The following GRK3 variants were observed in gnomAD, a reference collection of about 807,000 sequenced individuals.
GRK3 encodes the protein G protein-coupled receptor kinase 3.
In GRK3, 54 loss-of-function variants were observed where a neutral mutation model predicts 95.7. That is an observed-to-expected ratio of 0.56 (90% CI 0.45 to 0.71). The LOEUF (loss-of-function observed/expected upper bound fraction) is 0.71. GRK3 is among the 30% of genes least tolerant of loss of function. The pLI, the probability that GRK3 is intolerant of heterozygous loss-of-function variation, is 0.00. For missense variants in GRK3, 649 were observed against 851.2 expected, an observed-to-expected ratio of 0.76 and a Z score of 2.96; for synonymous variants, 281 against 290.8, an observed-to-expected ratio of 0.97 and a Z score of 0.34.
intron 3 of GRK3, among the ~76,000 whole-genome samples, chr22:25,656,655 A>G (rs2084873765): frequency 1.3e-5 from 2 of 152,140 alleles, no homozygotes; most frequent in African/African-American, 2.4e-5. Context: ...AAACACCAAC[A>G]TTATGCCAGA....
rs2085441498 is a variant in GRK3, at chr22:25,722,539, C to A, written c.*89C>A. 1.4e-6 allele frequency: 2 copies of A among 1,394,030 alleles called. No individual in the cohort carries two copies. The highest frequency in any genetic ancestry group is 2.0e-6 in the Non-Finnish European group (2 of 1,015,014). 86.4% of individuals were successfully genotyped at this position (1,394,030 alleles called of 1,614,324 possible). On this transcript the variant is annotated 3_prime_UTR_variant, in exon 21 of 21. Transcript: ENST00000324198. ...GAGGATGAGGCATCTGATCTATTCGCTACCGGGACTCCTCCAGGCTCCCGA... is the reference window on the plus strand; with the variant it reads ...GAGGATGAGGCATCTGATCTATTCGATACCGGGACTCCTCCAGGCTCCCGA...
At chr22:25,583,520 G>A (rs1932181204) in intron 1 of GRK3, among the ~76,000 whole-genome samples, 1 of 152,002 alleles carries the variant, frequency 6.6e-6, no homozygotes, top group Non-Finnish European at 1.5e-5. Context: ...GGGTTCTGGG[G>A]CACCCTGCAG....
intron 1 of GRK3, among the ~76,000 whole-genome samples, chr22:25,582,458 C>A (rs1365571252): frequency 1.4e-4 from 21 of 152,106 alleles, no homozygotes; most frequent in Admixed American, 1.4e-3. Flanking sequence ...CAGGTCTCCA[C>A]AAATTAATCT....
In GRK3 at chr22:25,714,534, A is replaced by G; in HGVS notation, c.1618A>G (p.Lys540Glu). The change falls in exon 18 of 21, where the codon AAG (lysine) becomes GAG (glutamate). Residue 540 changes from lysine (K) to glutamate (E), a missense_variant. By Grantham distance (56) the Lys-to-Glu change is moderately conservative. Transcript: ENST00000324198. ...NADTDKIEAR[K>E]RAKNKQLGHE... The stretch of plus-strand genomic sequence containing the variant: ...AGACACAGATAAAATCGAGGCCAGG[A>G]AGAGAGCTAAAAATAAGCAACTTGG... 2 of 1,610,464 alleles carry G rather than the reference A, an allele frequency of 1.2e-6. No homozygotes were observed. The highest frequency in any genetic ancestry group is 1.7e-6 in the Non-Finnish European group (2 of 1,179,002).
At chr22:25,610,581 T>C (rs902162021) in intron 2 of GRK3, among the ~76,000 whole-genome samples, 5 of 152,232 alleles carry the variant, frequency 3.3e-5, no homozygotes, top group Non-Finnish European at 2.9e-5. Context: ...CAATACAATT[T>C]AAAAACATTT....
At chr22:25,574,202 T>G (rs1931805599) in intron 1 of GRK3, among the ~76,000 whole-genome samples, 1 of 152,124 alleles carries the variant, frequency 6.6e-6, no homozygotes, top group African/African-American at 2.4e-5. Context: ...AAAGTTTAAA[T>G]TAAAAATGAG....
At chr22:25,714,306 C>T (rs2085366020) in intron 17 of GRK3, 102 bp from the exon 18 acceptor site, 10 of 942,824 alleles carry the variant, frequency 1.1e-5, no homozygotes, top group Non-Finnish European at 1.6e-5. Context: ...AGTCATCTTC[C>T]TATATAGAGT....
chr22:25,590,001 G>T (rs184019686), intron 1 of GRK3, among the ~76,000 whole-genome samples: 4 of 152,238 alleles, frequency 2.6e-5, no homozygotes, highest in South Asian at 2.1e-4. Context: ...ACCTCCCACT[G>T]GGTCCCTCCC....
intron 3 of GRK3, chr22:25,647,780 T>G: frequency 1.0e-6 from 1 of 968,438 alleles, no homozygotes; most frequent in Non-Finnish European, 1.7e-6. Context: ...AGATTACTTC[T>G]GAATCCTGGA....
chr22:25,706,295 G>A (rs1342787413), intron 15 of GRK3, among the ~76,000 whole-genome samples: 2 of 152,088 alleles, frequency 1.3e-5, no homozygotes, highest in Non-Finnish European at 2.9e-5. Flanking sequence ...GAAGTACGGC[G>A]GGTATGGGTG....
rs773556791 is a variant in GRK3 at position 25,690,222 on chromosome 22, G to T, written c.991G>T (p.Ala331Ser). The T allele has an allele frequency of 1.2e-5, 19 of 1,613,864 alleles. No individual in the cohort carries two copies. Among genetic ancestry groups the T allele is most frequent in the South Asian group, 7.7e-5 (7 of 91,082 alleles). The change falls in exon 12 of 21, where the codon GCA becomes TCA. Residue 331 changes from alanine to serine, a missense_variant. Ala to Ser is a moderately conservative substitution (Grantham distance 99). Coordinates refer to ENST00000324198, the MANE Select transcript of GRK3 (RefSeq NM_005160.4). Reference sequence around the variant, plus strand: ...TATTCTCTTGGATGAACATGGACACGCAAGAATATCAGATCTTGGTCTTGC... The same window carrying T: ...TATTCTCTTGGATGAACATGGACACTCAAGAATATCAGATCTTGGTCTTGC... ...ANILLDEHGHARISDLGLACD... is the reference protein window; with the variant it reads ...ANILLDEHGHSRISDLGLACD...
At chr22:25,680,877 G>A (rs752729747) in intron 9 of GRK3, among the ~76,000 whole-genome samples, 6 of 151,740 alleles carry the variant, frequency 4.0e-5, no homozygotes, top group East Asian at 1.9e-4. Context: ...AGACTGTATC[G>A]GCAGGCTTTC....
rs750595607 is a variant in GRK3 at position 25,704,182 on chromosome 22, G to A, written c.1301G>A (p.Ser434Asn). ...LLEGLLQRDV[S>N]KRLGCHGGGS... Reference sequence around the variant, plus strand: ...GAGGGCTTGCTTCAGCGAGACGTTAGCAAGCGGCTGGGCTGTCACGGAGGC... The same window carrying A: ...GAGGGCTTGCTTCAGCGAGACGTTAACAAGCGGCTGGGCTGTCACGGAGGC... The change falls in exon 15 of 21, where the codon AGC (serine) becomes AAC (asparagine). Residue 434 changes from serine to asparagine, a missense_variant. Physicochemically the swap from Ser to Asn is conservative, Grantham distance 46. This residue lies in a region of GRK3 where 382 missense variants were observed against 493.8 expected (regional missense o/e 0.77). Transcript: ENST00000324198. 6.2e-7 allele frequency: 1 copy of A among 1,613,434 alleles called. No individual in the cohort carries two copies. Among genetic ancestry groups the A allele is most frequent in the African/African-American group, 1.3e-5 (1 of 75,002 alleles).
At chr22:25,580,777 C>T (rs1932070955) in intron 1 of GRK3, among the ~76,000 whole-genome samples, 1 of 152,180 alleles carries the variant, frequency 6.6e-6, no homozygotes, top group African/African-American at 2.4e-5. Flanking sequence ...TCAGGTGATC[C>T]TCAGATGAGC....
chr22:25,580,396 TG>T (rs1932056879), intron 1 of GRK3: 1 of 152,216 alleles, frequency 6.6e-6, no homozygotes, highest in Admixed American at 6.5e-5. Context: ...GACTGGGCAT[TG>T]GATCTTCAGG....
chr22:25,674,562 C>G, intron 8 of GRK3, 34 bp downstream of exon 8: 1 of 1,437,844 alleles, frequency 7.0e-7, no homozygotes, highest in Non-Finnish European at 9.7e-7. Flanking sequence ...TTTACTGGCA[C>G]TATTAAAATT....
At chr22:25,644,532 C>A in intron 2 of GRK3, 60 bp from the exon 3 acceptor site, 2 of 808,468 alleles carry the variant, frequency 2.5e-6, no homozygotes, top group Admixed American at 2.3e-5. Flanking sequence ...TGAAAACACC[C>A]TTGTGGGATA....
intron 9 of GRK3, among the ~76,000 whole-genome samples, chr22:25,683,734 T>G (rs894928991): frequency 6.6e-6 from 1 of 152,184 alleles, no homozygotes; most frequent in Non-Finnish European, 1.5e-5. Context: ...CTTTTTTAAG[T>G]TGATTTTTTA....
At chr22:25,701,611 CTT>C (rs1024772386) in intron 13 of GRK3, among the ~76,000 whole-genome samples, 7 of 152,170 alleles carry the variant, frequency 4.6e-5, no homozygotes, top group Non-Finnish European at 7.3e-5. Context: ...TCATGAAAGA[CTT>C]TTTAAATTTA....
Sources: gnomAD v4.1 joint callset for allele counts (sites outside exome capture counted in the v4.1 genomes callset) on GRCh38, gnomAD v4.1.1 for gene constraint, gnomAD v4.1.1 regional missense constraint, MANE v1.5 for transcripts, NCBI Gene and HGNC (gene_info 2026-07-23, HGNC 2026-07-21) for gene names.